The following DCC variants were observed in gnomAD, a reference collection of about 807,000 sequenced individuals.
DCC encodes the protein DCC netrin 1 receptor, also known as netrin receptor DCC.
In DCC, 58 loss-of-function variants were observed where a neutral mutation model predicts 172.5. The observed-to-expected ratio is 0.34, with a 90% CI of 0.27 to 0.42. The LOEUF (loss-of-function observed/expected upper bound fraction) is 0.42, where lower values mean the gene tolerates loss of function less well. Ranked by LOEUF, DCC falls within the 10% of genes least tolerant of loss-of-function variation. DCC has a pLI of 1.00. For synonymous variants in DCC, 709 were observed against 644.5 expected (o/e 1.10, Z -1.52); for missense variants, 1,740 against 1,791.0 (o/e 0.97, Z 0.51).
intron 5 of DCC, among the ~76,000 whole-genome samples, chr18:52,939,198 C>T (rs1373579986): frequency 6.6e-6 from 1 of 152,156 alleles, no homozygotes; most frequent in African/African-American, 2.4e-5. Flanking sequence ...AATTCCCAGT[C>T]TCAGGATATT....
chr18:52,759,190 A>G (rs1358882028), intron 2 of DCC: 1 of 152,160 alleles, frequency 6.6e-6, no homozygotes, highest in East Asian at 1.9e-4. Flanking sequence ...CGCCTATTCC[A>G]TCACACAGCC....
At chr18:53,000,972 G>C (rs2041556961) in intron 5 of DCC, among the ~76,000 whole-genome samples, 1 of 151,828 alleles carries the variant, frequency 6.6e-6, no homozygotes, top group Non-Finnish European at 1.5e-5. Context: ...CTGTGTGATA[G>C]GCGTGAGGAT....
chr18:52,803,619 T>A (rs2038034066), intron 2 of DCC, among the ~76,000 whole-genome samples: 3 of 152,224 alleles, frequency 2.0e-5, no homozygotes, highest in Admixed American at 6.5e-5. Context: ...CTACACGGTT[T>A]GTCTGCAAGG....
At chr18:53,444,949 A>T (rs1018260504) in intron 22 of DCC, among the ~76,000 whole-genome samples, 1 of 152,140 alleles carries the variant, frequency 6.6e-6, no homozygotes, top group Non-Finnish European at 1.5e-5. Context: ...ATCTAACTGG[A>T]TCTTCAACAC....
chr18:52,540,087 C>T (rs535489412), intron 1 of DCC, among the ~76,000 whole-genome samples: 1 of 152,122 alleles, frequency 6.6e-6, no homozygotes, highest in South Asian at 2.1e-4. Context: ...TGGGTTTTTT[C>T]ATTTTCTTTA....
intron 1 of DCC, among the ~76,000 whole-genome samples, chr18:52,646,602 A>G (rs1253548840): frequency 6.6e-6 from 1 of 152,212 alleles, no homozygotes; most frequent in African/African-American, 2.4e-5. Flanking sequence ...CACTGCTCAC[A>G]AAACTTAGGG....
chr18:52,411,042 C>G (rs752948643), intron 1 of DCC, among the ~76,000 whole-genome samples: 4 of 152,124 alleles, frequency 2.6e-5, no homozygotes, highest in African/African-American at 9.7e-5. Context: ...CAGTTTACTT[C>G]GGAATTCATA....
chr18:52,425,066 A>G (rs2144446914), intron 1 of DCC, among the ~76,000 whole-genome samples: 1 of 152,198 alleles, frequency 6.6e-6, no homozygotes, highest in Non-Finnish European at 1.5e-5. Flanking sequence ...AGTAATTTCT[A>G]ATCATCCATT....
At chr18:53,361,132 C>A (rs2057940277) in intron 15 of DCC, among the ~76,000 whole-genome samples, 1 of 152,048 alleles carries the variant, frequency 6.6e-6, no homozygotes, top group African/African-American at 2.4e-5. Context: ...AACACAGACA[C>A]AGAGATGGGA....
chr18:52,340,931 C>T, intron 1 of DCC, 53 bp downstream of exon 1: 2 of 1,354,240 alleles, frequency 1.5e-6, no homozygotes, highest in South Asian at 1.2e-5. Context: ...ACCCCACTTC[C>T]CTTCTCATTT....
chr18:52,520,660 G>A (rs149055924), intron 1 of DCC, among the ~76,000 whole-genome samples: 164 of 152,042 alleles, frequency 1.1e-3, no homozygotes, highest in Middle Eastern at 3.4e-3. Context: ...AAATACAGTC[G>A]TTCAGATTGA....
chr18:53,167,903 T>A (rs2054947727), intron 8 of DCC, among the ~76,000 whole-genome samples: 1 of 152,280 alleles, frequency 6.6e-6, no homozygotes. Flanking sequence ...GGGTTTCATT[T>A]GAAACAAGCT....
At chr18:52,858,037 G>T (rs2039080712) in intron 2 of DCC, among the ~76,000 whole-genome samples, 1 of 152,142 alleles carries the variant, frequency 6.6e-6, no homozygotes, top group African/African-American at 2.4e-5. Flanking sequence ...GTTCATTGCT[G>T]GAACCTCATC....
chr18:53,135,024 C>G (rs2144330833), intron 7 of DCC, among the ~76,000 whole-genome samples: 1 of 152,272 alleles, frequency 6.6e-6, no homozygotes, highest in East Asian at 1.9e-4. Context: ...GACGTGAACA[C>G]CAATAGGAAC....
intron 11 of DCC, among the ~76,000 whole-genome samples, chr18:53,210,926 A>G (rs1369235109): frequency 6.6e-6 from 1 of 152,016 alleles, no homozygotes; most frequent in Admixed American, 6.6e-5. Context: ...TCCTCCACCT[A>G]GAAAACCACT....
At chr18:52,370,685 T>G (rs1985081659) in intron 1 of DCC, among the ~76,000 whole-genome samples, 1 of 152,014 alleles carries the variant, frequency 6.6e-6, no homozygotes, top group Non-Finnish European at 1.5e-5. Flanking sequence ...GTAACAAACA[T>G]GCACATTCTA....
chr18:52,350,766 GGAGTTTAAA>G, intron 1 of DCC, among the ~76,000 whole-genome samples: 1 of 152,260 alleles, frequency 6.6e-6, no homozygotes, highest in East Asian at 1.9e-4. Flanking sequence ...AAGAGGCAAG[GGAGTTTAAA>G]GAGTTGTCAA....
Position 52,354,283 on chromosome 18 carries a change from C to A in DCC, c.91+13405C>A, listed in dbSNP as rs564417426. Among the ~76,000 whole-genome samples, 18 of 152,184 alleles carry A rather than the reference C, an allele frequency of 1.2e-4. No homozygotes were observed. In the South Asian group the frequency reaches 3.5e-3, roughly 30 times the overall value. On this transcript the variant is annotated intron_variant, in intron 1 of 28. Coordinates refer to ENST00000442544, the MANE Select transcript of DCC (RefSeq NM_005215.4). ...TGATGGGGAGGGGAGTAGAAAGAACCCTGAAAGATTTTCAGCAGGGAAATG... is the reference window on the plus strand; with the variant it reads ...TGATGGGGAGGGGAGTAGAAAGAACACTGAAAGATTTTCAGCAGGGAAATG...
chr18:52,784,255 C>CTTTCTT (rs368408546), intron 2 of DCC, among the ~76,000 whole-genome samples: 1 of 151,970 alleles, frequency 6.6e-6, no homozygotes, highest in Admixed American at 6.6e-5. Flanking sequence ...AACAGAATTT[C>CTTTCTT]TTTTTTATAG....
Sources: allele counts gnomAD v4.1 joint callset (sites outside exome capture counted in the v4.1 genomes callset), GRCh38; gene constraint gnomAD v4.1.1; transcripts MANE v1.5; gene names NCBI Gene and HGNC (gene_info 2026-07-23, HGNC 2026-07-21).